GNA14: variants seen among roughly 807,000 people sequenced by gnomAD.
GNA14 encodes the protein guanine nucleotide-binding protein subunit alpha-14.
Under a neutral mutation model 42.0 loss-of-function variants are expected in GNA14, and 50 were observed. The observed-to-expected ratio is 1.19, with a 90% CI of 0.95 to 1.51. The LOEUF is 1.51. Ranked by LOEUF, GNA14 falls within the 40% of genes most tolerant of loss-of-function variation. The probability of loss-of-function intolerance (pLI) is 0.00; values close to 1 mark genes in which losing one functional copy is unlikely to be tolerated. For synonymous variants in GNA14, 173 were observed against 163.1 expected (o/e 1.06, Z -0.46); for missense variants, 473 against 446.2 (o/e 1.06, Z -0.54).
intron 1 of GNA14, among the ~76,000 whole-genome samples, chr9:77,616,983 C>T (rs1823832452): frequency 6.6e-6 from 1 of 152,118 alleles, no homozygotes; most frequent in South Asian, 2.1e-4. Context: ...CATTCTCCTG[C>T]TTCAGCCTCC....
In GNA14 at chr9:77,648,078, G is replaced by T; in HGVS notation, c.-285C>A. ...GCTCTGGGGAGGAGGAGGGCGAGTC[G>T]AGAAGTTGGGAGCGTTGCTGGCCCC... is the stretch of plus-strand genomic sequence containing the variant. On this transcript the variant is annotated 5_prime_UTR_variant, in exon 1 of 7. Coordinates refer to ENST00000341700, the MANE Select transcript of GNA14 (RefSeq NM_004297.4). 1 of 464,614 alleles carries T rather than the reference G, an allele frequency of 2.2e-6. No homozygotes were observed. Among genetic ancestry groups the T allele is most frequent in the Non-Finnish European group, 3.8e-6 (1 of 263,036 alleles). The allele number at this position is 464,614 out of a possible 1,614,324, so 28.8% of individuals were successfully genotyped here. A position where few individuals can be genotyped will look rare whatever the true frequency, so the allele number is the denominator to read the frequency against.
chr9:77,596,480 C>T (rs1222962465), intron 1 of GNA14, among the ~76,000 whole-genome samples: 1 of 150,994 alleles, frequency 6.6e-6, no homozygotes, highest in Non-Finnish European at 1.5e-5. Flanking sequence ...TACCCTACGC[C>T]TCCTCGCCTA....
At chr9:77,564,669 C>G (rs1822938371) in intron 1 of GNA14, among the ~76,000 whole-genome samples, 1 of 151,770 alleles carries the variant, frequency 6.6e-6, no homozygotes, top group Non-Finnish European at 1.5e-5. Context: ...CCTGTCTCTA[C>G]TAAAAATACA....
At chr9:77,516,517 G>C (rs949084891) in intron 2 of GNA14, among the ~76,000 whole-genome samples, 1 of 152,164 alleles carries the variant, frequency 6.6e-6, no homozygotes, top group East Asian at 1.9e-4. Context: ...CTTGAGGCCA[G>C]GAGTTCGAGA....
At chr9:77,478,947 G>A (rs1263390215) in intron 2 of GNA14, among the ~76,000 whole-genome samples, 4 of 152,132 alleles carry the variant, frequency 2.6e-5, no homozygotes, top group African/African-American at 9.7e-5. Flanking sequence ...AGATGAGTAG[G>A]TTGAGAAAAT....
chr9:77,462,826 T>G (rs1039833375), intron 2 of GNA14, among the ~76,000 whole-genome samples: 4 of 152,098 alleles, frequency 2.6e-5, no homozygotes, highest in Admixed American at 2.0e-4. Context: ...GCCTCACCTT[T>G]TCGGGTTCAG....
intron 3 of GNA14, among the ~76,000 whole-genome samples, chr9:77,432,434 T>G (rs73454053): frequency 0.13 from 20,019 of 152,192 alleles, 2,708 homozygotes; most frequent in African/African-American, 0.34. Flanking sequence ...TTATTTGATT[T>G]ACACCTGAGT....
intron 1 of GNA14, among the ~76,000 whole-genome samples, chr9:77,581,355 C>T (rs1002043866): frequency 2.0e-5 from 3 of 152,196 alleles, no homozygotes; most frequent in Admixed American, 1.3e-4. Context: ...CCTGGCACCA[C>T]CATTTCCTAG....
At chr9:77,487,332 TGGAGAAGGGGAA>T (rs1564029057) in intron 2 of GNA14, among the ~76,000 whole-genome samples, 1 of 152,058 alleles carries the variant, frequency 6.6e-6, no homozygotes, top group Non-Finnish European at 1.5e-5. Flanking sequence ...AGTGAGACCA[TGGAGAAGGGGAA>T]TTGCTGTACA....
Position 77,425,588 on chromosome 9 carries a change from A to C in GNA14, c.851T>G (p.Leu284Arg). 1 of 1,607,886 alleles carries C rather than the reference A, an allele frequency of 6.2e-7. No individual in the cohort carries two copies. Among genetic ancestry groups the C allele is most frequent in the Non-Finnish European group, 8.5e-7 (1 of 1,175,930 alleles). The change falls in exon 6 of 7, where the codon CTA becomes CGA. Residue 284 changes from leucine to arginine, a missense_variant. Physicochemically the swap from Leu to Arg is moderately radical, Grantham distance 102. Transcript: ENST00000341700. ...LLEEKIMYSH[L>R]ISYFPEYTGP... ...TGTGTATTCTGGGAAATAGCTAATT[A>C]GATGAGAGTACATGATTTTCTCTTC...
At chr9:77,537,445 A>C (rs1296309515) in intron 1 of GNA14, among the ~76,000 whole-genome samples, 1 of 152,170 alleles carries the variant, frequency 6.6e-6, no homozygotes, top group Non-Finnish European at 1.5e-5. Flanking sequence ...GTATCCCACT[A>C]TGTATATATA....
chr9:77,532,040 C>T (rs1837536856), intron 1 of GNA14, among the ~76,000 whole-genome samples: 1 of 152,054 alleles, frequency 6.6e-6, no homozygotes, highest in Non-Finnish European at 1.5e-5. Context: ...CACACAGCAC[C>T]GAGGGCTGAG....
At chr9:77,499,352 G>A (rs1167116764) in intron 2 of GNA14, among the ~76,000 whole-genome samples, 2 of 150,862 alleles carry the variant, frequency 1.3e-5, no homozygotes, top group Non-Finnish European at 2.9e-5. Flanking sequence ...CATCACTGTT[G>A]GTAAATCTTT....
In GNA14 at chr9:77,423,271, ACACG is replaced by A. The variant is rs1346575766; in HGVS notation, c.*704_*707del. The A allele has an allele frequency of 6.6e-6, 1 of 151,886 alleles. No homozygotes were observed. Among genetic ancestry groups the A allele is most frequent in the Non-Finnish European group, 1.5e-5 (1 of 68,002 alleles). The allele number at this position is 151,886 out of a possible 1,614,324, so 9.4% of individuals were successfully genotyped here. A position where few individuals can be genotyped will look rare whatever the true frequency, so the allele number is the denominator to read the frequency against. On this transcript the variant is annotated 3_prime_UTR_variant, in exon 7 of 7. Coordinates refer to ENST00000341700, the MANE Select transcript of GNA14 (RefSeq NM_004297.4). ...TGGGGGTAAAAATGTACACACACAC[ACACG>A]TGCACACACACACATTTTTCACCAA...
At chr9:77,480,642 C>T (rs1312240577) in intron 2 of GNA14, among the ~76,000 whole-genome samples, 1 of 152,158 alleles carries the variant, frequency 6.6e-6, no homozygotes, top group East Asian at 1.9e-4. Flanking sequence ...CCTCCTTGTA[C>T]ATCTGGTAGA....
intron 1 of GNA14, among the ~76,000 whole-genome samples, chr9:77,595,069 C>T (rs577960305): frequency 3.3e-5 from 5 of 152,172 alleles, no homozygotes; most frequent in Non-Finnish European, 7.3e-5. Flanking sequence ...CCACCCCTTG[C>T]TTGGCACTGG....
At chr9:77,439,427 C>T (rs1269959823) in intron 2 of GNA14, among the ~76,000 whole-genome samples, 2 of 152,116 alleles carry the variant, frequency 1.3e-5, no homozygotes, top group African/African-American at 4.8e-5. Context: ...TCGCTTGAGC[C>T]TAGGAATTCA....
chr9:77,634,444 G>A (rs1271749543), intron 1 of GNA14, among the ~76,000 whole-genome samples: 1 of 149,146 alleles, frequency 6.7e-6, no homozygotes, highest in Non-Finnish European at 1.5e-5. Flanking sequence ...AGGAAGGAAG[G>A]AAGCGAAAGG....
chr9:77,470,239 C>G (rs776825847), intron 2 of GNA14, among the ~76,000 whole-genome samples: 1 of 152,126 alleles, frequency 6.6e-6, no homozygotes, highest in Non-Finnish European at 1.5e-5. Context: ...GCTAAGAAAT[C>G]TGGATGGAGT....
Sources: allele counts gnomAD v4.1 joint callset (sites outside exome capture counted in the v4.1 genomes callset), GRCh38; gene constraint gnomAD v4.1.1; transcripts MANE v1.5; gene names NCBI Gene and HGNC (gene_info 2026-07-23, HGNC 2026-07-21).